SDF4: variants seen among roughly 807,000 people sequenced by gnomAD.
SDF4 encodes 45 kDa calcium-binding protein.
A neutral mutation model predicts 34.2 loss-of-function variants in SDF4; 22 were observed. The observed-to-expected ratio is 0.64, with a 90% CI of 0.46 to 0.92. The LOEUF (loss-of-function observed/expected upper bound fraction) is 0.92, where lower values mean the gene tolerates loss of function less well. Ranked by LOEUF, SDF4 falls within the 40% of genes least tolerant of loss-of-function variation. The pLI is 0.00. For missense variants in SDF4, 447 were observed against 499.9 expected, an observed-to-expected ratio of 0.89 and a Z score of 1.01; for synonymous variants, 236 against 203.1, an observed-to-expected ratio of 1.16 and a Z score of -1.38.
At chr1:1,222,253 T>C (rs1027182999) in intron 4 of SDF4, among the ~76,000 whole-genome samples, 15 of 152,342 alleles carry the variant, frequency 9.8e-5, no homozygotes, top group African/African-American at 3.4e-4. Flanking sequence ...AACGCCACGG[T>C]ACCCGCTCAG....
In SDF4 at chr1:1,217,494, C is replaced by T. The variant is rs562610784; in HGVS notation, c.*18G>A. The T allele has an allele frequency of 5.9e-6, 9 of 1,527,900 alleles. No homozygotes were observed. The highest frequency in any genetic ancestry group is 2.4e-5 in the East Asian group (1 of 41,064). 94.6% of individuals were successfully genotyped at this position (1,527,900 alleles called of 1,614,324 possible). A position where few individuals can be genotyped will look rare whatever the true frequency, so the allele number is the denominator to read the frequency against. On this transcript the variant is annotated 3_prime_UTR_variant, in exon 7 of 7. Transcript: ENST00000360001. This position sits in a 1 kb window ranked among gnomAD's most constrained non-coding sequence, Gnocchi z 8.5. ...CCCCGGTGGTGCGTGGGGGGCGGCGCGGGGCGCGGCCGGGCGCTCAAAACT... is the reference window on the plus strand; with the variant it reads ...CCCCGGTGGTGCGTGGGGGGCGGCGTGGGGCGCGGCCGGGCGCTCAAAACT...
chr1:1,226,991 C>T (rs1219157208), intron 2 of SDF4, among the ~76,000 whole-genome samples: 3 of 152,188 alleles, frequency 2.0e-5, no homozygotes, highest in Non-Finnish European at 4.4e-5. Flanking sequence ...GAACTCAGGC[C>T]ACGCAAGGAC....
At chr1:1,221,916 C>A (rs1274882199) in intron 4 of SDF4, among the ~76,000 whole-genome samples, 2 of 152,238 alleles carry the variant, frequency 1.3e-5, no homozygotes, top group African/African-American at 2.4e-5. Flanking sequence ...CACCACTGCA[C>A]TGCAGGCTGG....
chr1:1,225,037 A>C (rs1349739261), intron 2 of SDF4, among the ~76,000 whole-genome samples: 1 of 152,240 alleles, frequency 6.6e-6, no homozygotes, highest in East Asian at 1.9e-4. Flanking sequence ...ATAGGGACAC[A>C]GACTGGGGAC....
chr1:1,221,622 T>C (rs747012205), intron 4 of SDF4, among the ~76,000 whole-genome samples: 1 of 151,534 alleles, frequency 6.6e-6, no homozygotes, highest in Non-Finnish European at 1.5e-5. Context: ...TGGGCAACAG[T>C]GAGGCCCTCA....
At chr1:1,219,973 C>T (rs542789063) in intron 4 of SDF4, 111 of 985,734 alleles carry the variant, frequency 1.1e-4, no homozygotes, top group East Asian at 7.9e-4. Context: ...ACAGGAGTGA[C>T]GGGGCTGTGG....
chr1:1,225,350 G>A (rs986143494), intron 2 of SDF4, among the ~76,000 whole-genome samples: 8 of 152,178 alleles, frequency 5.3e-5, no homozygotes, highest in South Asian at 4.1e-4. Flanking sequence ...GGGCAGCCGC[G>A]GCCACGTTAT....
chr1:1,230,774 G>C (rs1638469048), intron 1 of SDF4, among the ~76,000 whole-genome samples: 1 of 152,212 alleles, frequency 6.6e-6, no homozygotes, highest in South Asian at 2.1e-4. Context: ...TCTGAACATG[G>C]CTGAGGGCTT....
Position 1,231,874 on chromosome 1 carries a change from C to T in SDF4, c.-175+18G>A, listed in dbSNP as rs1483723117. On this transcript the variant is annotated intron_variant, in intron 1 of 6. Transcript: ENST00000360001. ...TGGCCCCGCGGCCTGCAGCGGCCGT[C>T]CCGGGCCCCTCACTCACCGGTCTGC... The T allele has an allele frequency of 1.3e-5, 2 of 152,198 alleles. No homozygotes were observed. The highest frequency in any genetic ancestry group is 2.9e-5 in the Non-Finnish European group (2 of 68,046). 9.4% of individuals were successfully genotyped at this position (152,198 alleles called of 1,614,324 possible). A position where few individuals can be genotyped will look rare whatever the true frequency, so the allele number is the denominator to read the frequency against.
rs139642016 is a variant in SDF4, at chr1:1,226,827, C to T, written c.305+1641G>A. On this transcript the variant is annotated intron_variant, in intron 2 of 6. Coordinates refer to ENST00000360001, the MANE Select transcript of SDF4 (RefSeq NM_016176.6). Reference sequence around the variant, plus strand: ...GAAGCCTCAACTCCCCTCGCCCAGGCGTGCAGCCCACCCCCAGCACCGGCT... The same window carrying T: ...GAAGCCTCAACTCCCCTCGCCCAGGTGTGCAGCCCACCCCCAGCACCGGCT... 3.7e-4 allele frequency among the ~76,000 whole-genome samples: 56 copies of T among 152,302 alleles called. 1 individual carries two copies. Among genetic ancestry groups the T allele is most frequent in the Admixed American group, 6.5e-4 (10 of 15,308 alleles).
intron 2 of SDF4, among the ~76,000 whole-genome samples, chr1:1,224,219 C>T (rs138386999): frequency 2.0e-5 from 3 of 152,300 alleles, no homozygotes; most frequent in African/African-American, 7.2e-5. Flanking sequence ...CCCCCTCTGT[C>T]ACACAGAATC....
chr1:1,219,643 T>C (rs1649795833), intron 4 of SDF4: 1 of 986,260 alleles, frequency 1.0e-6, no homozygotes, highest in Non-Finnish European at 1.2e-6. Context: ...CCCGCTCTCC[T>C]GCCGTGCCCA....
chr1:1,228,318 C>G (rs1477638851), intron 2 of SDF4, 150 bp downstream of exon 2: 1 of 887,860 alleles, frequency 1.1e-6, no homozygotes, highest in Non-Finnish European at 1.7e-6. Flanking sequence ...ACACAGCAGG[C>G]TGGAAGTGGC....
intron 4 of SDF4, chr1:1,220,703 A>G: frequency 1.6e-6 from 2 of 1,289,248 alleles, no homozygotes; most frequent in South Asian, 2.5e-5. Flanking sequence ...GAAATGTCAC[A>G]GAGCTCTAGG....
In SDF4 at chr1:1,218,986, A is replaced by C; in HGVS notation, c.557-59T>G. 1 of 1,612,402 alleles carries C rather than the reference A, an allele frequency of 6.2e-7. No homozygotes were observed. Among genetic ancestry groups the C allele is most frequent in the South Asian group, 1.1e-5 (1 of 90,948 alleles). On this transcript the variant is annotated intron_variant, in intron 4 of 6. Coordinates refer to ENST00000360001, the MANE Select transcript of SDF4 (RefSeq NM_016176.6). The surrounding 1 kb of genome is among the most constrained non-coding windows in gnomAD (Gnocchi z 7.9). The stretch of plus-strand genomic sequence containing the variant: ...GACAGACGCCAGCACGCAAATCCAG[A>C]AAGTTCCGAGAGGTGCTGCCTGAAC...
intron 1 of SDF4, among the ~76,000 whole-genome samples, chr1:1,230,180 A>C (rs1481351876): frequency 1.3e-5 from 2 of 152,214 alleles, no homozygotes; most frequent in South Asian, 2.1e-4. Context: ...GCCATGTCAC[A>C]GCTGTTCCCT....
chr1:1,229,644 G>A (rs923269382), intron 1 of SDF4, among the ~76,000 whole-genome samples: 4 of 152,148 alleles, frequency 2.6e-5, no homozygotes, highest in South Asian at 4.1e-4. Context: ...TGTGGGGCCC[G>A]GCTCTGTCCC....
rs543292734 is a variant in SDF4 at position 1,226,042 on chromosome 1, T to C, written c.306-2074A>G. On this transcript the variant is annotated intron_variant, in intron 2 of 6. Coordinates refer to ENST00000360001, the MANE Select transcript of SDF4 (RefSeq NM_016176.6). ...CAGAACACAGATGTGACTGGGCTGG[T>C]GCACACACGCATGTTATCAAGTTCT... is the stretch of plus-strand genomic sequence containing the variant. 2.5e-4 allele frequency among the ~76,000 whole-genome samples: 38 copies of C among 152,318 alleles called. No individual in the cohort carries two copies. The South Asian group carries it at 7.7e-3, about 31-fold the overall frequency.
At chr1:1,231,720 C>T (rs546438256) in intron 1 of SDF4, among the ~76,000 whole-genome samples, 172 bp downstream of exon 1, 16 of 110,050 alleles carry the variant, frequency 1.5e-4, no homozygotes, top group Admixed American at 7.8e-4. Flanking sequence ...CCCCCGGGAA[C>T]CCCGGGAGCC....
Sources: gnomAD v4.1 joint callset for allele counts (sites outside exome capture counted in the v4.1 genomes callset) on GRCh38, gnomAD v4.1.1 for gene constraint, Gnocchi (gnomAD v3.1) non-coding constraint, MANE v1.5 for transcripts, NCBI Gene and HGNC (gene_info 2026-07-23, HGNC 2026-07-21) for gene names.